The following ADAMTS9 variants were observed in gnomAD, a reference collection of about 807,000 sequenced individuals.
The protein encoded by ADAMTS9 is A disintegrin and metalloproteinase with thrombospondin motifs 9.
In ADAMTS9, 107 loss-of-function variants were observed where a neutral mutation model predicts 257.1. The observed-to-expected ratio is 0.42, with a 90% confidence interval of 0.36 to 0.49. The LOEUF is 0.49. Among genes scored for constraint, ADAMTS9 ranks in the 20% least tolerant of loss-of-function variants. The pLI is 0.03. For missense variants in ADAMTS9, 2,353 were observed against 2,469.1 expected, an observed-to-expected ratio of 0.95 and a Z score of 1.00; for synonymous variants, 982 against 880.9, an observed-to-expected ratio of 1.11 and a Z score of -2.03.
chr3:64,649,671 A>G lies in ADAMTS9; in HGVS notation c.1571T>C (p.Ile524Thr), dbSNP rs1273655858. ...LYNVNKQCELIFGPGSQVCPY... is the reference protein window; with the variant it reads ...LYNVNKQCELTFGPGSQVCPY... ...GCACACCTGAGAACCTGGTCCAAAAATCAATTCACATTGTTTATTCACGTT... is the reference window on the plus strand; with the variant it reads ...GCACACCTGAGAACCTGGTCCAAAAGTCAATTCACATTGTTTATTCACGTT... Residue 524 changes from isoleucine (I) to threonine (T), a missense_variant, in exon 10 of 40, where the codon ATT becomes ACT. This residue lies in a region of ADAMTS9 where 360 missense variants were observed against 458.1 expected (regional missense o/e 0.79). Coordinates refer to ENST00000498707, the MANE Select transcript of ADAMTS9 (RefSeq NM_182920.2). 1.9e-6 allele frequency: 3 copies of G among 1,613,856 alleles called. No individual in the cohort carries two copies. Among genetic ancestry groups the G allele is most frequent in the Non-Finnish European group, 2.5e-6 (3 of 1,179,954 alleles).
At chr3:64,549,979 G>A (rs928930306) in intron 31 of ADAMTS9, among the ~76,000 whole-genome samples, 1 of 148,244 alleles carries the variant, frequency 6.7e-6, no homozygotes, top group East Asian at 2.1e-4. Context: ...AAGAGACCCA[G>A]TGGCAGCAAT....
At chr3:64,625,276 C>T (rs1193175737) in intron 16 of ADAMTS9, among the ~76,000 whole-genome samples, 1 of 152,126 alleles carries the variant, frequency 6.6e-6, no homozygotes, top group Non-Finnish European at 1.5e-5. Context: ...GAGGAGTGGA[C>T]AAGATGTCTT....
chr3:64,602,128 C>A lies in ADAMTS9; in HGVS notation c.3833G>T (p.Cys1278Phe). ...AGTTTCTGGGATATAATCCTGGTCA[C>A]ACTCACTCCGATCGATCACGTGGTC... ...YSDHVIDRSE[C>F]DQDYIPETDQ... Residue 1278 changes from cysteine to phenylalanine, a missense_variant, in exon 26 of 40, where the codon TGT becomes TTT. Cys to Phe is a radical substitution (Grantham distance 205, BLOSUM62 -2). This residue lies in a region of ADAMTS9 where 1,402 missense variants were observed against 1,441.4 expected (regional missense o/e 0.97). Coordinates refer to ENST00000498707, the MANE Select transcript of ADAMTS9 (RefSeq NM_182920.2). 6.2e-7 allele frequency: 1 copy of A among 1,614,130 alleles called. No individual in the cohort carries two copies. The highest frequency in any genetic ancestry group is 8.5e-7 in the Non-Finnish European group (1 of 1,180,004).
intron 3 of ADAMTS9, among the ~76,000 whole-genome samples, chr3:64,680,409 T>C (rs1258087228): frequency 2.6e-5 from 4 of 152,148 alleles, no homozygotes; most frequent in Admixed American, 1.3e-4. Context: ...CAGGACCAAA[T>C]TGAGGAATTA....
intron 30 of ADAMTS9, among the ~76,000 whole-genome samples, chr3:64,554,195 A>C (rs2083303100): frequency 6.6e-6 from 1 of 152,216 alleles, no homozygotes; most frequent in Admixed American, 6.5e-5. Flanking sequence ...TAAATACTTT[A>C]TGCTTGTTAA....
At position 64,541,359 on chromosome 3, in the gene ADAMTS9, T is replaced by A; in HGVS notation, c.5348A>T (p.His1783Leu). Residue 1783 changes from histidine (H) to leucine (L), a missense_variant, in exon 35 of 40, where the codon CAT becomes CTT. His to Leu is a moderately conservative substitution (Grantham distance 99). This residue lies in a region of ADAMTS9 where 1,402 missense variants were observed against 1,441.4 expected (regional missense o/e 0.97). Coordinates refer to ENST00000498707, the MANE Select transcript of ADAMTS9 (RefSeq NM_182920.2). ...DHPKEYVTLV[H>L]GDSENFSEVY... ...CTCGGAGAAATTCTCAGAGTCTCCA[T>A]GCACCAGTGTCACGTACTCTTTGGG... The A allele has an allele frequency of 6.2e-7, 1 of 1,614,150 alleles. No individual in the cohort carries two copies. The highest frequency in any genetic ancestry group is 1.6e-4 in the Middle Eastern group (1 of 6,062).
At chr3:64,663,547 G>A (rs1701277040) in intron 3 of ADAMTS9, among the ~76,000 whole-genome samples, 1 of 151,246 alleles carries the variant, frequency 6.6e-6, no homozygotes, top group African/African-American at 2.4e-5. Flanking sequence ...AAGAAAACCT[G>A]CAGATGAATC....
rs780485554 is a variant in ADAMTS9, at chr3:64,633,517, A to G, written c.2130T>C (p.Pro710=). ...AGATATCATTTGTGTCCTGGCCACA[A>G]GGAGTTCCATCTATCACTCTGTCTC... ...QLRDRVIDGT[P]CGQDTNDICV... Residue 710 remains proline (P), a synonymous_variant, in exon 14 of 40, where the codon CCT becomes CCC. Coordinates refer to ENST00000498707, the MANE Select transcript of ADAMTS9 (RefSeq NM_182920.2). 2.5e-6 allele frequency: 4 copies of G among 1,614,000 alleles called. No homozygotes were observed. The highest frequency in any genetic ancestry group is 2.2e-5 in the East Asian group (1 of 44,862).
At chr3:64,614,368 A>T (rs1237288410) in intron 21 of ADAMTS9, among the ~76,000 whole-genome samples, 2 of 152,350 alleles carry the variant, frequency 1.3e-5, no homozygotes, top group Middle Eastern at 3.4e-3. Flanking sequence ...CAGGAATCAG[A>T]CACTGTTAAT....
At chr3:64,628,548 C>T (rs1576134959) in intron 16 of ADAMTS9, among the ~76,000 whole-genome samples, 1 of 152,134 alleles carries the variant, frequency 6.6e-6, no homozygotes, top group East Asian at 1.9e-4. Flanking sequence ...ATACTTGCCC[C>T]ATTCTGCAGC....
intron 31 of ADAMTS9, chr3:64,550,276 G>A (rs1372649259): frequency 6.6e-6 from 1 of 152,190 alleles, no homozygotes; most frequent in African/African-American, 2.4e-5. Flanking sequence ...CTCTGAAGCT[G>A]TTTGTTAAAC....
intron 38 of ADAMTS9, among the ~76,000 whole-genome samples, chr3:64,531,684 C>A (rs2082983441): frequency 6.6e-6 from 1 of 152,150 alleles, no homozygotes; most frequent in African/African-American, 2.4e-5. Flanking sequence ...CCAGGCTGGT[C>A]TCGAACTCTT....
chr3:64,649,615 G>C, intron 10 of ADAMTS9, 22 bp downstream of exon 10: 1 of 1,596,538 alleles, frequency 6.3e-7, no homozygotes, highest in Non-Finnish European at 8.5e-7. Flanking sequence ...GATGAGGGCA[G>C]AAGTGGCCCT....
chr3:64,525,702 C>T (rs1052814158), intron 38 of ADAMTS9, among the ~76,000 whole-genome samples: 2 of 151,888 alleles, frequency 1.3e-5, no homozygotes, highest in African/African-American at 4.8e-5. Flanking sequence ...CCTCCACCTC[C>T]CGGGTTCAAG....
At chr3:64,655,149 C>A (rs896443311) in intron 6 of ADAMTS9, among the ~76,000 whole-genome samples, 4 of 152,232 alleles carry the variant, frequency 2.6e-5, no homozygotes, top group African/African-American at 9.6e-5. Flanking sequence ...ATCACAAAAG[C>A]TGGCAACACT....
At chr3:64,599,189 A>G (rs2084415602) in intron 26 of ADAMTS9, among the ~76,000 whole-genome samples, 1 of 152,154 alleles carries the variant, frequency 6.6e-6, no homozygotes, top group African/African-American at 2.4e-5. Context: ...ATACTCCCAC[A>G]GACAGATGAA....
chr3:64,593,982 T>G (rs911522354), intron 28 of ADAMTS9, among the ~76,000 whole-genome samples: 2 of 151,486 alleles, frequency 1.3e-5, no homozygotes, highest in Non-Finnish European at 2.9e-5. Flanking sequence ...TGTGTGTGTG[T>G]GTGTGTGTGT....
At chr3:64,668,912 C>T (rs1701414868) in intron 3 of ADAMTS9, among the ~76,000 whole-genome samples, 1 of 152,132 alleles carries the variant, frequency 6.6e-6, no homozygotes, top group African/African-American at 2.4e-5. Flanking sequence ...GAGTGTATCT[C>T]CCACATTCTT....
At chr3:64,665,671 G>A (rs1165182742) in intron 3 of ADAMTS9, among the ~76,000 whole-genome samples, 1 of 152,198 alleles carries the variant, frequency 6.6e-6, no homozygotes, top group East Asian at 1.9e-4. Context: ...TATACTCCTA[G>A]TGGGGCAAAT....
Sources: allele counts gnomAD v4.1 joint callset (sites outside exome capture counted in the v4.1 genomes callset), GRCh38; gene constraint gnomAD v4.1.1; regional missense constraint gnomAD v4.1.1; transcripts MANE v1.5; gene names NCBI Gene and HGNC (gene_info 2026-07-23, HGNC 2026-07-21).